The following MPV17L variants were observed in gnomAD, a reference collection of about 807,000 sequenced individuals.
The protein encoded by MPV17L is MPV17 mitochondrial inner membrane protein like.
MPV17L carries 24 observed loss-of-function variants against 25.8 expected under a neutral mutation model. That is an observed-to-expected ratio of 0.93 (90% confidence interval 0.67 to 1.31). MPV17L has a LOEUF of 1.31. Among genes scored for constraint, MPV17L ranks in the 50% most tolerant of loss-of-function variants. MPV17L has a pLI of 0.00. For missense variants in MPV17L, 250 were observed against 265.6 expected (o/e 0.94, Z 0.41); for synonymous variants, 102 against 115.3 (o/e 0.88, Z 0.74).
intron 2 of MPV17L, among the ~76,000 whole-genome samples, chr16:15,407,433 T>C (rs1043728175): frequency 1.3e-5 from 2 of 152,094 alleles, no homozygotes; most frequent in African/African-American, 4.8e-5. Context: ...AACTGTGCAA[T>C]TGTTTTGTGT....
At position 15,396,027 on chromosome 16, in the gene MPV17L, A is replaced by C. The variant is rs1405764889; in HGVS notation, c.130A>C (p.Asn44His). The C allele has an allele frequency of 6.5e-7, 1 of 1,531,026 alleles. No individual in the cohort carries two copies. The highest frequency in any genetic ancestry group is 1.2e-5 in the South Asian group (1 of 82,710). The allele number at this position is 1,531,026 out of a possible 1,614,324, so 94.8% of individuals were successfully genotyped here. ...LQQRLQGREA[N>H]WRQTRRVATL... ...ACAGCGGCTGCAGGGCCGCGAGGCC[A>C]ACTGGCGCCAGACGCGGCGCGTGGC... The change falls in exon 1 of 4, where the codon AAC becomes CAC. Residue 44 changes from asparagine to histidine, a missense_variant. By Grantham distance (68) the Asn-to-His change is moderately conservative. Coordinates refer to ENST00000396385, the MANE Select transcript of MPV17L (RefSeq NM_001128423.2).
intron 2 of MPV17L, among the ~76,000 whole-genome samples, chr16:15,407,173 A>T (rs1002555848): frequency 5.9e-5 from 9 of 152,210 alleles, no homozygotes; most frequent in Non-Finnish European, 1.5e-5. Context: ...ATTGCAATGC[A>T]TATATACATG....
chr16:15,398,655 C>A (rs2050608154), intron 1 of MPV17L, among the ~76,000 whole-genome samples: 1 of 146,700 alleles, frequency 6.8e-6, no homozygotes, highest in Non-Finnish European at 1.5e-5. Context: ...ATGACACAAT[C>A]TCAGCTCACT....
At chr16:15,404,148 A>G (rs971724889) in intron 2 of MPV17L, among the ~76,000 whole-genome samples, 7 of 152,172 alleles carry the variant, frequency 4.6e-5, no homozygotes, top group African/African-American at 1.7e-4. Flanking sequence ...AGTTATGCAC[A>G]TACTGGGGGA....
chr16:15,411,875 C>T lies in MPV17L; in HGVS notation c.*3763C>T, dbSNP rs2150910294. On this transcript the variant is annotated 3_prime_UTR_variant, in exon 4 of 4. Transcript: ENST00000396385. ...GCTGAGACAGGAGAATCGCTTGAACCTGGGAGGCATAGGTTGTAGTGAGCC... is the reference window on the plus strand; with the variant it reads ...GCTGAGACAGGAGAATCGCTTGAACTTGGGAGGCATAGGTTGTAGTGAGCC... 1 of 152,278 alleles carries T rather than the reference C, an allele frequency of 6.6e-6. No homozygotes were observed. Among genetic ancestry groups the T allele is most frequent in the East Asian group, 1.9e-4 (1 of 5,178 alleles). 9.4% of individuals were successfully genotyped at this position (152,278 alleles called of 1,614,324 possible).
Position 15,396,101 on chromosome 16 carries a change from CCTGCTG to C in MPV17L, c.205_210del (p.Leu69_Leu70del). 6.5e-7 allele frequency: 1 copy of C among 1,545,226 alleles called. No homozygotes were observed. Among genetic ancestry groups the C allele is most frequent in the Non-Finnish European group, 8.7e-7 (1 of 1,146,962 alleles). On this transcript the variant is annotated inframe_deletion, in exon 1 of 4. Transcript: ENST00000396385. ...CCAACTTCAACTACGTGTGGCTGCG[CCTGCTG>C]GAGCGCGCGCTCCCGGGCCGAGCGC...
At chr16:15,399,352 C>T (rs2050614312) in intron 1 of MPV17L, 1 of 452,106 alleles carries the variant, frequency 2.2e-6, no homozygotes. Context: ...CTCAGTTTTA[C>T]AACCTTCCTA....
At chr16:15,399,419 T>C (rs1378755881) in intron 1 of MPV17L, 2 of 454,510 alleles carry the variant, frequency 4.4e-6, no homozygotes, top group African/African-American at 4.0e-5. Flanking sequence ...TCCTTTTCTT[T>C]TTCTGAGACA....
chr16:15,404,569 T>TCAC (rs146025070), intron 2 of MPV17L, among the ~76,000 whole-genome samples: 1,600 of 152,034 alleles, frequency 0.011, 18 homozygotes, highest in Non-Finnish European at 0.017. Flanking sequence ...GCCTGTAATC[T>TCAC]CACCACTTTG....
At chr16:15,397,137 C>T (rs1413741575) in intron 1 of MPV17L, among the ~76,000 whole-genome samples, 1 of 151,878 alleles carries the variant, frequency 6.6e-6, no homozygotes, top group Non-Finnish European at 1.5e-5. Flanking sequence ...GTAGTGTGTC[C>T]CCCAGAGAAA....
At chr16:15,401,111 T>A (rs1388054113) in intron 2 of MPV17L, among the ~76,000 whole-genome samples, 12 of 125,088 alleles carry the variant, frequency 9.6e-5, no homozygotes, top group African/African-American at 1.2e-4. Context: ...TTTTTTTTTT[T>A]AATTAAAAAA....
intron 1 of MPV17L, among the ~76,000 whole-genome samples, chr16:15,400,051 G>C (rs1170433713): frequency 6.6e-5 from 10 of 152,130 alleles, no homozygotes; most frequent in African/African-American, 1.9e-4. Context: ...TGATCTGCCA[G>C]ATCAGCCTCC....
In MPV17L at chr16:15,401,190, G is replaced by A. The variant is rs576303751; in HGVS notation, c.381+333G>A. 1.7e-3 allele frequency among the ~76,000 whole-genome samples: 243 copies of A among 145,334 alleles called. 3 individuals are homozygous for A. Among genetic ancestry groups the A allele is most frequent in the Non-Finnish European group, 3.4e-4 (23 of 67,148 alleles). ...TGCAGTGGCATGGTCATGGCTCACT[G>A]CAGCCTGGACCTCCTGAGCTCAAGC... On this transcript the variant is annotated intron_variant, in intron 2 of 3. Coordinates refer to ENST00000396385, the MANE Select transcript of MPV17L (RefSeq NM_001128423.2).
intron 2 of MPV17L, among the ~76,000 whole-genome samples, chr16:15,401,111 T>TTA (rs1390823386): frequency 3.2e-5 from 4 of 125,086 alleles, no homozygotes; most frequent in African/African-American, 9.2e-5. Context: ...TTTTTTTTTT[T>TTA]AATTAAAAAA....
In MPV17L at chr16:15,408,328, G is replaced by T; in HGVS notation, c.*216G>T. ...TGAAATATTACTTCTCTAATATTTT[G>T]GTTAATATGAATAATAGTGGCAAAA... On this transcript the variant is annotated 3_prime_UTR_variant, in exon 4 of 4. Coordinates refer to ENST00000396385, the MANE Select transcript of MPV17L (RefSeq NM_001128423.2). 2 of 441,830 alleles carry T rather than the reference G, an allele frequency of 4.5e-6. No homozygotes were observed. The highest frequency in any genetic ancestry group is 8.0e-6 in the Non-Finnish European group (2 of 248,900). The allele number at this position is 441,830 out of a possible 1,614,324, so 27.4% of individuals were successfully genotyped here.
chr16:15,396,272 G>T (rs186359596), intron 1 of MPV17L, 65 bp downstream of exon 1: 8 of 1,517,338 alleles, frequency 5.3e-6, no homozygotes, highest in Non-Finnish European at 6.2e-6. Flanking sequence ...GCTGGGACTC[G>T]GGGATCAAGC....
At chr16:15,402,354 T>C (rs1567431692) in intron 2 of MPV17L, among the ~76,000 whole-genome samples, 1 of 152,208 alleles carries the variant, frequency 6.6e-6, no homozygotes, top group African/African-American at 2.4e-5. Flanking sequence ...TACAGAATGT[T>C]CGCAGACTGG....
In MPV17L at chr16:15,396,028, A is replaced by G. The variant is rs1398992748; in HGVS notation, c.131A>G (p.Asn44Ser). ...LQQRLQGREA[N>S]WRQTRRVATL... Reference sequence around the variant, plus strand: ...CAGCGGCTGCAGGGCCGCGAGGCCAACTGGCGCCAGACGCGGCGCGTGGCC... The same window carrying G: ...CAGCGGCTGCAGGGCCGCGAGGCCAGCTGGCGCCAGACGCGGCGCGTGGCC... The change falls in exon 1 of 4, where the codon AAC becomes AGC. Residue 44 changes from asparagine to serine, a missense_variant. Transcript: ENST00000396385. 22 of 1,531,684 alleles carry G rather than the reference A, an allele frequency of 1.4e-5. No individual in the cohort carries two copies. The highest frequency in any genetic ancestry group is 1.7e-5 in the Non-Finnish European group (20 of 1,144,386). The allele number at this position is 1,531,684 out of a possible 1,614,324, so 94.9% of individuals were successfully genotyped here.
Position 15,409,841 on chromosome 16 carries a change from CAG to C in MPV17L, c.*1732_*1733del, listed in dbSNP as rs2050718036. ...TAAGTACATTTTTTATTATCAAAAA[CAG>C]AGTAGTGTATGATTGGCGTATTCTG... On this transcript the variant is annotated 3_prime_UTR_variant, in exon 4 of 4. Coordinates refer to ENST00000396385, the MANE Select transcript of MPV17L (RefSeq NM_001128423.2). 6.6e-6 allele frequency: 1 copy of C among 152,202 alleles called. No individual in the cohort carries two copies. Among genetic ancestry groups the C allele is most frequent in the South Asian group, 2.1e-4 (1 of 4,838 alleles). 9.4% of individuals were successfully genotyped at this position (152,202 alleles called of 1,614,324 possible). A position where few individuals can be genotyped will look rare whatever the true frequency, so the allele number is the denominator to read the frequency against.
Sources: allele counts gnomAD v4.1 joint callset (sites outside exome capture counted in the v4.1 genomes callset), GRCh38; gene constraint gnomAD v4.1.1; transcripts MANE v1.5; gene names NCBI Gene and HGNC (gene_info 2026-07-23, HGNC 2026-07-21).